The following GRIA4 variants were observed in gnomAD, a reference collection of about 807,000 sequenced individuals.
GRIA4 encodes glutamate receptor 4.
A neutral mutation model predicts 104.0 loss-of-function variants in GRIA4; 34 were observed. The ratio of observed to expected loss-of-function variants is 0.33; its 90% CI spans 0.25 to 0.44. The LOEUF (loss-of-function observed/expected upper bound fraction) is 0.44. GRIA4 is among the 20% of genes least tolerant of loss of function. The pLI is 1.00. For missense variants in GRIA4, 750 were observed against 1,096.5 expected (o/e 0.68, Z 4.46); for synonymous variants, 386 against 381.9 (o/e 1.01, Z -0.13).
At chr11:105,908,550 C>T (rs1236819279) in intron 9 of GRIA4, among the ~76,000 whole-genome samples, 1 of 150,578 alleles carries the variant, frequency 6.6e-6, no homozygotes, top group Non-Finnish European at 1.5e-5. Flanking sequence ...TAATTGGTCC[C>T]ATATCACAAA....
In GRIA4 at chr11:105,719,643, A is replaced by G. The variant is rs1273406106; in HGVS notation, c.248-33338A>G. Among the ~76,000 whole-genome samples the G allele has an allele frequency of 2.0e-5, 3 of 152,070 alleles. No individual in the cohort carries two copies. The East Asian group carries it at 5.8e-4, about 29-fold the overall frequency. Reference sequence around the variant, plus strand: ...TGAAAACTAATGACTCTGAAGCCTCATGACTCATGGGGCTTTTCTCCGTGA... The same window carrying G: ...TGAAAACTAATGACTCTGAAGCCTCGTGACTCATGGGGCTTTTCTCCGTGA... On this transcript the variant is annotated intron_variant, in intron 3 of 16. Transcript: ENST00000282499.
At chr11:105,765,184 A>G (rs191222310) in intron 4 of GRIA4, among the ~76,000 whole-genome samples, 9 of 152,332 alleles carry the variant, frequency 5.9e-5, no homozygotes, top group Admixed American at 5.2e-4. Context: ...AGCAAAAGCC[A>G]TTATGCAGCT....
intron 3 of GRIA4, among the ~76,000 whole-genome samples, chr11:105,623,152 T>C (rs1407735056): frequency 1.3e-4 from 19 of 150,558 alleles, no homozygotes; most frequent in Non-Finnish European, 2.7e-4. Flanking sequence ...ATGATGTTGC[T>C]GTTGTGAATA....
intron 3 of GRIA4, among the ~76,000 whole-genome samples, chr11:105,712,398 T>C (rs1953942111): frequency 6.6e-6 from 1 of 152,142 alleles, no homozygotes; most frequent in Admixed American, 6.6e-5. Context: ...TGAAAGGATC[T>C]ATCTATATAT....
At chr11:105,790,348 T>A (rs1301023559) in intron 4 of GRIA4, among the ~76,000 whole-genome samples, 1 of 152,156 alleles carries the variant, frequency 6.6e-6, no homozygotes, top group African/African-American at 2.4e-5. Flanking sequence ...CTAGGACAAA[T>A]CTTTTTACAA....
intron 3 of GRIA4, among the ~76,000 whole-genome samples, chr11:105,681,425 T>C (rs1264441790): frequency 1.3e-5 from 2 of 152,200 alleles, no homozygotes; most frequent in Non-Finnish European, 2.9e-5. Flanking sequence ...GTGGCTTCAA[T>C]TAGAAGCTCT....
intron 3 of GRIA4, among the ~76,000 whole-genome samples, chr11:105,661,618 CAT>C (rs1206339468): frequency 6.6e-6 from 1 of 151,542 alleles, no homozygotes; most frequent in African/African-American, 2.4e-5. Flanking sequence ...ATTTTTTATA[CAT>C]GTTGACGTAT....
chr11:105,656,392 T>C lies in GRIA4; in HGVS notation c.247+43958T>C, dbSNP rs571269986. The stretch of plus-strand genomic sequence containing the variant: ...AACTCAAGATGGTTTAAAGACTTAA[T>C]CGTAAGACCTAAACCAATAAAAAAA... On this transcript the variant is annotated intron_variant, in intron 3 of 16. Transcript: ENST00000282499. Among the ~76,000 whole-genome samples the C allele has an allele frequency of 5.1e-5, 7 of 137,892 alleles. No homozygotes were observed. The South Asian group carries it at 1.6e-3, about 32-fold the overall frequency. 90.5% of individuals were successfully genotyped at this position (137,892 alleles called of 152,430 possible).
At chr11:105,807,074 G>C (rs989200005) in intron 4 of GRIA4, among the ~76,000 whole-genome samples, 1 of 151,632 alleles carries the variant, frequency 6.6e-6, no homozygotes, top group African/African-American at 2.4e-5. Flanking sequence ...CTAAGGATAA[G>C]AATTTTCAAA....
intron 4 of GRIA4, among the ~76,000 whole-genome samples, chr11:105,761,079 C>T (rs61476171): frequency 0.028 from 4,273 of 152,192 alleles, 164 homozygotes; most frequent in African/African-American, 0.083. Context: ...GGAAATCTCC[C>T]ACCTTGGTCA....
intron 3 of GRIA4, among the ~76,000 whole-genome samples, chr11:105,746,297 T>C (rs2135672367): frequency 6.6e-6 from 1 of 152,202 alleles, no homozygotes; most frequent in South Asian, 2.1e-4. Flanking sequence ...ACTTGTTCAT[T>C]CAGAAAATAT....
chr11:105,739,274 C>T (rs1319792378), intron 3 of GRIA4, among the ~76,000 whole-genome samples: 1 of 152,112 alleles, frequency 6.6e-6, no homozygotes, highest in East Asian at 1.9e-4. Context: ...AATGTGCAAA[C>T]AAGCCTGTAT....
chr11:105,947,860 T>G (rs1449957257), intron 14 of GRIA4, among the ~76,000 whole-genome samples: 1 of 152,226 alleles, frequency 6.6e-6, no homozygotes, highest in African/African-American at 2.4e-5. Context: ...AGAATATATT[T>G]CTATTTTGAA....
In GRIA4 at chr11:105,981,242, T is replaced by G. The variant is rs903814416; in HGVS notation, c.*1503T>G. 1 of 152,570 alleles carries G rather than the reference T, an allele frequency of 6.6e-6. No homozygotes were observed. Among genetic ancestry groups the G allele is most frequent in the Admixed American group, 6.5e-5 (1 of 15,270 alleles). The allele number at this position is 152,570 out of a possible 1,614,324, so 9.5% of individuals were successfully genotyped here. On this transcript the variant is annotated 3_prime_UTR_variant, in exon 17 of 17. Coordinates refer to ENST00000282499, the MANE Select transcript of GRIA4 (RefSeq NM_000829.4). ...ATAAGTACTCTAATACAGATAAAAA[T>G]CATGTACTTAGGGTATTGGCAGAAA...
In GRIA4 at chr11:105,686,406, A is replaced by G. The variant is rs143513977; in HGVS notation, c.248-66575A>G. Among the ~76,000 whole-genome samples, 1,040 of 152,294 alleles carry G rather than the reference A, an allele frequency of 6.8e-3. 15 individuals are homozygous for G. Among genetic ancestry groups the G allele is most frequent in the African/African-American group, 0.024 (978 of 41,566 alleles). ...ATGTTGCTGCAAAAGACATTACTTCATGCTTTTTTATGACTGTGTAGTATT... is the reference window on the plus strand; with the variant it reads ...ATGTTGCTGCAAAAGACATTACTTCGTGCTTTTTTATGACTGTGTAGTATT... On this transcript the variant is annotated intron_variant, in intron 3 of 16. Transcript: ENST00000282499.
intron 4 of GRIA4, among the ~76,000 whole-genome samples, chr11:105,835,830 G>A (rs908911826): frequency 1.3e-5 from 2 of 151,932 alleles, no homozygotes; most frequent in African/African-American, 4.8e-5. Flanking sequence ...GAATCAACTA[G>A]CAGATATATA....
chr11:105,839,695 A>AAG (rs1181320696), intron 4 of GRIA4, among the ~76,000 whole-genome samples: 1 of 151,910 alleles, frequency 6.6e-6, no homozygotes, highest in Non-Finnish European at 1.5e-5. Context: ...GCAACAGAGC[A>AAG]AGACTCCGTC....
At chr11:105,692,881 T>A (rs1953139695) in intron 3 of GRIA4, among the ~76,000 whole-genome samples, 1 of 152,152 alleles carries the variant, frequency 6.6e-6, no homozygotes, top group Non-Finnish European at 1.5e-5. Flanking sequence ...TACTGAAATA[T>A]AAATGGACGT....
chr11:105,836,485 C>T (rs1474602907), intron 4 of GRIA4, among the ~76,000 whole-genome samples: 1 of 152,120 alleles, frequency 6.6e-6, no homozygotes, highest in Non-Finnish European at 1.5e-5. Context: ...ATCATGCCAT[C>T]TGCCCTCTGT....
Sources: gnomAD v4.1 joint callset for allele counts (sites outside exome capture counted in the v4.1 genomes callset) on GRCh38, gnomAD v4.1.1 for gene constraint, MANE v1.5 for transcripts, NCBI Gene and HGNC (gene_info 2026-07-23, HGNC 2026-07-21) for gene names.